Variants in RFC3 observed in about 807,000 individuals in gnomAD.
RFC3 encodes the protein A1 38 kDa subunit.
Under a neutral mutation model 45.1 loss-of-function variants are expected in RFC3, and 41 were observed. The ratio of observed to expected loss-of-function variants is 0.91; its 90% CI spans 0.71 to 1.18. The LOEUF is 1.18. RFC3 is among the 50% of genes most tolerant of loss of function. The pLI is 0.00. For synonymous variants in RFC3, 149 were observed against 144.0 expected (o/e 1.03, Z -0.25); for missense variants, 423 against 428.1 (o/e 0.99, Z 0.10).
At chr13:33,966,475 TG>T in exon 9 of RFC3, 1 of 284,294 alleles carries the variant, frequency 3.5e-6, no homozygotes, top group East Asian at 6.2e-5. Context: ...ACTCATCTGC[TG>T]GTACCTATTT....
chr13:33,821,168 G>A lies in RFC3; in HGVS notation c.124G>A (p.Gly42Arg), dbSNP rs769043955. Residue 42 changes from glycine to arginine, a missense_variant, in exon 2 of 9, where the codon GGA becomes AGA. By Grantham distance (125) the Gly-to-Arg change is moderately radical. Coordinates refer to ENST00000380071, the MANE Select transcript of RFC3 (RefSeq NM_002915.4). ...CGDFPHLLVY[G>R]PSGAGKKTRI... Reference sequence around the variant, plus strand: ...TGACTTTCCTCATCTGTTAGTGTACGGACCATCAGGTGCTGGAAAAAAGAC... The same window carrying A: ...TGACTTTCCTCATCTGTTAGTGTACAGACCATCAGGTGCTGGAAAAAAGAC... The A allele has an allele frequency of 2.5e-6, 4 of 1,613,470 alleles. No homozygotes were observed. The highest frequency in any genetic ancestry group is 2.2e-5 in the East Asian group (1 of 44,850).
chr13:33,825,567 C>G (rs1300565119), intron 3 of RFC3, among the ~76,000 whole-genome samples: 1 of 152,036 alleles, frequency 6.6e-6, no homozygotes, highest in African/African-American at 2.4e-5. Flanking sequence ...TAACAGTAAA[C>G]TTAATGTAAC....
At chr13:33,971,133 C>A (rs1450651632), downstream of RFC3, among the ~76,000 whole-genome samples, 1 of 152,116 alleles carries the variant, frequency 6.6e-6, no homozygotes, top group African/African-American at 2.4e-5. Context: ...TGTTAAGTTT[C>A]TTTTAAATAT....
rs1270332019 is a variant in RFC3 at position 33,823,921 on chromosome 13, C to T, written c.230C>T (p.Pro77Leu). 1.3e-6 allele frequency: 2 copies of T among 1,529,616 alleles called. No individual in the cohort carries two copies. Among genetic ancestry groups the T allele is most frequent in the East Asian group, 2.3e-5 (1 of 43,378 alleles). 94.8% of individuals were successfully genotyped at this position (1,529,616 alleles called of 1,614,324 possible). A position where few individuals can be genotyped will look rare whatever the true frequency, so the allele number is the denominator to read the frequency against. ...LRIEHQTITT[P>L]SKKKIEISTI... ...TATCTTTTTCTTTGTCCACAGACTC[C>T]ATCTAAAAAAAAAATTGAAATTAGC... Residue 77 changes from proline to leucine, a missense_variant, in exon 3 of 9, where the codon CCA (proline) becomes CTA (leucine). Coordinates refer to ENST00000380071, the MANE Select transcript of RFC3 (RefSeq NM_002915.4).
At chr13:33,937,120 G>A (rs183046171) in intron 8 of RFC3, among the ~76,000 whole-genome samples, 160 of 152,242 alleles carry the variant, frequency 1.1e-3, no homozygotes, top group African/African-American at 3.5e-3. Flanking sequence ...TTTCAGATAC[G>A]CGAGGGATCA....
downstream of RFC3, among the ~76,000 whole-genome samples, chr13:33,838,303 A>G (rs1438116611): frequency 6.6e-6 from 1 of 152,052 alleles, no homozygotes; most frequent in Non-Finnish European, 1.5e-5. Context: ...ATTTATGTAG[A>G]CACTCCAGCT....
intron 4 of RFC3, among the ~76,000 whole-genome samples, chr13:33,828,502 A>G (rs2082072123): frequency 6.6e-6 from 1 of 152,120 alleles, no homozygotes; most frequent in Non-Finnish European, 1.5e-5. Context: ...TCTCACCCAT[A>G]AATTGGGCTC....
chr13:33,842,676 C>T lies in RFC3; in HGVS notation c.879+7459C>T, dbSNP rs946587842. Among the ~76,000 whole-genome samples, 6 of 152,114 alleles carry T rather than the reference C, an allele frequency of 3.9e-5. No individual in the cohort carries two copies. The South Asian group carries it at 8.3e-4, about 21-fold the overall frequency. On this transcript the variant is annotated intron_variant, in intron 8 of 8. Transcript: ENST00000434425. ...GAAGGAAGGTTTTTCTTTCCCACCC[C>T]GCAGCCACTTTCTTCCAGGCAGAAA...
chr13:33,828,143 G>A (rs1374816979), intron 4 of RFC3, among the ~76,000 whole-genome samples: 1 of 152,064 alleles, frequency 6.6e-6, no homozygotes, highest in Non-Finnish European at 1.5e-5. Flanking sequence ...GTGAGACCCT[G>A]TCTCTAAAAA....
the RFC3 span, among the ~76,000 whole-genome samples, chr13:33,973,986 G>T: frequency 6.6e-6 from 1 of 152,080 alleles, no homozygotes; most frequent in Non-Finnish European, 1.5e-5. Context: ...TGGAAACCAA[G>T]ATCTGTATTT....
exon 9 of RFC3, chr13:33,966,437 T>G (rs1365374016): frequency 2.6e-6 from 1 of 385,258 alleles, no homozygotes; most frequent in Non-Finnish European, 4.7e-6. Flanking sequence ...ACCATGGAAG[T>G]TTATTTCCAT....
chr13:33,876,056 T>G (rs1161794795), intron 8 of RFC3, among the ~76,000 whole-genome samples: 2 of 152,256 alleles, frequency 1.3e-5, no homozygotes, highest in Non-Finnish European at 2.9e-5. Context: ...TTGCAGCTTC[T>G]TAATCACTTG....
chr13:33,894,223 C>A (rs929448407), intron 8 of RFC3, among the ~76,000 whole-genome samples: 16 of 152,124 alleles, frequency 1.1e-4, no homozygotes, highest in African/African-American at 3.6e-4. Context: ...TATAGACCTC[C>A]ACTGGGTAGC....
At chr13:33,967,387 T>G (rs889777604), downstream of RFC3, among the ~76,000 whole-genome samples, 1 of 152,114 alleles carries the variant, frequency 6.6e-6, no homozygotes, top group Non-Finnish European at 1.5e-5. Context: ...ACACTACTAT[T>G]TAAGATCTCT....
At chr13:33,854,514 A>T (rs2082296813) in intron 8 of RFC3, among the ~76,000 whole-genome samples, 1 of 152,212 alleles carries the variant, frequency 6.6e-6, no homozygotes, top group Admixed American at 6.5e-5. Context: ...GGAATCTATT[A>T]GTGGTGATTC....
chr13:33,831,851 T>C (rs536577518), intron 7 of RFC3, among the ~76,000 whole-genome samples: 3 of 152,144 alleles, frequency 2.0e-5, no homozygotes, highest in African/African-American at 7.2e-5. Context: ...ATTGAAGATA[T>C]TATTATTGCC....
intron 8 of RFC3, among the ~76,000 whole-genome samples, chr13:33,862,987 C>T (rs994817876): frequency 9.2e-5 from 14 of 152,140 alleles, no homozygotes; most frequent in Non-Finnish European, 1.3e-4. Flanking sequence ...TTCTTACATG[C>T]ATTTCTAAGA....
intron 8 of RFC3, among the ~76,000 whole-genome samples, chr13:33,905,658 A>G (rs2082668140): frequency 1.3e-5 from 2 of 152,080 alleles, no homozygotes; most frequent in South Asian, 4.1e-4. Context: ...GATTGCTACA[A>G]TATGAAGCTC....
At chr13:33,826,308 C>T (rs1207429150) in intron 4 of RFC3, among the ~76,000 whole-genome samples, 1 of 151,882 alleles carries the variant, frequency 6.6e-6, no homozygotes, top group Non-Finnish European at 1.5e-5. Flanking sequence ...ATAAATATGC[C>T]ATCATTTAAT....
Sources: gnomAD v4.1 joint callset for allele counts (sites outside exome capture counted in the v4.1 genomes callset) on GRCh38, gnomAD v4.1.1 for gene constraint, MANE v1.5 for transcripts, NCBI Gene and HGNC (gene_info 2026-07-23, HGNC 2026-07-21) for gene names.